MBD1: variants seen among roughly 807,000 people sequenced by gnomAD.
MBD1 encodes the protein methyl-CpG-binding domain protein 1.
MBD1 carries 25 observed loss-of-function variants against 82.6 expected under a neutral mutation model. The observed-to-expected ratio is 0.30, with a 90% confidence interval of 0.22 to 0.42. MBD1 has a LOEUF of 0.42. Ranked by LOEUF, MBD1 falls within the 10% of genes least tolerant of loss-of-function variation. The pLI is 1.00. For synonymous variants in MBD1, 301 were observed against 303.7 expected (o/e 0.99, Z 0.09); for missense variants, 627 against 819.6 (o/e 0.76, Z 2.87).
At chr18:50,271,235 ACTT>A in intron 16 of MBD1, 1 of 1,377,332 alleles carries the variant, frequency 7.3e-7, no homozygotes. Context: ...TTAAAATCCA[ACTT>A]CTTATACTCA....
chr18:50,272,762 G>A (rs1466506501), intron 14 of MBD1, 24 bp from the exon 15 acceptor site: 1 of 1,614,040 alleles, frequency 6.2e-7, no homozygotes, highest in Non-Finnish European at 8.5e-7. Context: ...AACACCATAG[G>A]TCAATGTGGT....
chr18:50,277,972 A>G (rs1319296666), intron 2 of MBD1, among the ~76,000 whole-genome samples: 6 of 152,236 alleles, frequency 3.9e-5, no homozygotes, highest in Non-Finnish European at 1.5e-5. Context: ...TAATACAGTA[A>G]TTCCCCCTCT....
intron 8 of MBD1, 147 bp from the exon 9 acceptor site, chr18:50,275,392 G>C: frequency 6.2e-7 from 1 of 1,608,768 alleles, no homozygotes; most frequent in South Asian, 1.1e-5. Context: ...CACAGCCAGG[G>C]GAGTGCGTCG....
At position 50,274,866 on chromosome 18, in the gene MBD1, C is replaced by T. The variant is rs1015894014; in HGVS notation, c.978+111G>A. ...TATCTACTCATCCCATCCTAGGACC[C>T]ATTATTGTGCCTTGCTGTTCCCCAA... On this transcript the variant is annotated intron_variant, in intron 10 of 16. Transcript: ENST00000269468. 11 of 1,091,566 alleles carry T rather than the reference C, an allele frequency of 1.0e-5. No homozygotes were observed. In the African/African-American group the frequency reaches 1.4e-4, roughly 14 times the overall value. The allele number at this position is 1,091,566 out of a possible 1,614,324, so 67.6% of individuals were successfully genotyped here. A position where few individuals can be genotyped will look rare whatever the true frequency, so the allele number is the denominator to read the frequency against.
intron 13 of MBD1, 113 bp from the exon 14 acceptor site, chr18:50,273,068 C>A: frequency 7.2e-7 from 1 of 1,397,998 alleles, no homozygotes; most frequent in Admixed American, 1.8e-5. Flanking sequence ...CACATTTCAA[C>A]ACAGAAAGTC....
intron 16 of MBD1, 71 bp downstream of exon 16, chr18:50,271,398 G>A: frequency 6.2e-7 from 1 of 1,611,764 alleles, no homozygotes; most frequent in South Asian, 1.1e-5. Flanking sequence ...CACAAGCCCT[G>A]GCAACCAATC....
rs1481649131 is a variant in MBD1, at chr18:50,269,625, AT to A, written c.*225del. ...CTTCTCTAATTCCTGGGCCAGATGC[AT>A]ATTTAACTCTGTGAGGAAGGGCACC... On this transcript the variant is annotated 3_prime_UTR_variant, in exon 17 of 17. Coordinates refer to ENST00000269468, the MANE Select transcript of MBD1 (RefSeq NM_015846.4). 1 of 725,054 alleles carries A rather than the reference AT, an allele frequency of 1.4e-6. No homozygotes were observed. Among genetic ancestry groups the A allele is most frequent in the Non-Finnish European group, 2.6e-6 (1 of 388,002 alleles). 44.9% of individuals were successfully genotyped at this position (725,054 alleles called of 1,614,324 possible).
intron 16 of MBD1, 80 bp downstream of exon 16, chr18:50,271,389 A>C: frequency 6.2e-7 from 1 of 1,610,902 alleles, no homozygotes; most frequent in Non-Finnish European, 8.5e-7. Context: ...TGATTCACAC[A>C]CAAGCCCTGG....
At chr18:50,267,626 C>A, downstream of MBD1, 1 of 1,536,098 alleles carries the variant, frequency 6.5e-7, no homozygotes. Flanking sequence ...AGGTGGTAAC[C>A]ACAGTTGCAT....
chr18:50,274,142 G>T, intron 11 of MBD1, 44 bp downstream of exon 11: 7 of 1,611,754 alleles, frequency 4.3e-6, no homozygotes, highest in Non-Finnish European at 5.9e-6. Flanking sequence ...TGGGGCGCCT[G>T]GCCCAACCTA....
chr18:50,280,162 G>A, intron 1 of MBD1, 145 bp from the exon 2 acceptor site: 4 of 686,818 alleles, frequency 5.8e-6, no homozygotes, highest in Non-Finnish European at 9.7e-6. Flanking sequence ...ATATGGAAAA[G>A]AAACCCCTCA....
At chr18:50,279,737 G>A (rs921753696) in intron 2 of MBD1, 146 bp downstream of exon 2, 6 of 1,047,426 alleles carry the variant, frequency 5.7e-6, no homozygotes, top group African/African-American at 4.8e-5. Context: ...TTATTAAGTA[G>A]GTGAAATTCA....
upstream of MBD1, chr18:50,281,678 T>G: frequency 2.3e-6 from 1 of 428,406 alleles, no homozygotes; most frequent in East Asian, 3.4e-5. Flanking sequence ...CGAGAGCCAG[T>G]TGCATCTGCG....
rs776479957 is a variant in MBD1, at chr18:50,272,711, T to A, written c.1744A>T (p.Thr582Ser). The change falls in exon 15 of 17, where the codon ACC becomes TCC. Residue 582 changes from threonine (T) to serine (S), a missense_variant. Physicochemically the swap from Thr to Ser is moderately conservative, Grantham distance 58 (BLOSUM62 1). Coordinates refer to ENST00000269468, the MANE Select transcript of MBD1 (RefSeq NM_015846.4). ...CAGACTGCTGTATCTCGGAAGCGGGTTCCACCCAGGCTGAAAATCTCCGTG... is the reference window on the plus strand; with the variant it reads ...CAGACTGCTGTATCTCGGAAGCGGGATCCACCCAGGCTGAAAATCTCCGTG... ...VITEIFSLGGTRFRDTAVWLP... is the reference protein window; with the variant it reads ...VITEIFSLGGSRFRDTAVWLP... 2 of 1,614,116 alleles carry A rather than the reference T, an allele frequency of 1.2e-6. No homozygotes were observed. Among genetic ancestry groups the A allele is most frequent in the African/African-American group, 2.7e-5 (2 of 75,022 alleles).
In MBD1 at chr18:50,272,104, G is replaced by A. The variant is rs529248993; in HGVS notation, c.1779-564C>T. ...GCTCAGGAAAGGCTCAAGAGATCCA[G>A]CCCAAGCCCTTCCACAGAGGCCGCT... On this transcript the variant is annotated intron_variant, in intron 15 of 16. Coordinates refer to ENST00000269468, the MANE Select transcript of MBD1 (RefSeq NM_015846.4). Among the ~76,000 whole-genome samples the A allele has an allele frequency of 1.3e-3, 199 of 152,270 alleles. 1 individual carries two copies. The highest frequency in any genetic ancestry group is 2.0e-3 in the Non-Finnish European group (139 of 68,030).
chr18:50,272,764 C>T, intron 14 of MBD1, 26 bp from the exon 15 acceptor site: 2 of 1,614,154 alleles, frequency 1.2e-6, no homozygotes, highest in Admixed American at 1.7e-5. Flanking sequence ...CACCATAGGT[C>T]AATGTGGTTG....
chr18:50,270,552 A>G (rs2035073815), intron 16 of MBD1: 1 of 346,364 alleles, frequency 2.9e-6, no homozygotes, highest in Non-Finnish European at 5.7e-6. Context: ...CTTTAGTTAC[A>G]AAGACTGCTC....
chr18:50,279,573 A>C (rs909114378), intron 2 of MBD1, among the ~76,000 whole-genome samples: 3 of 152,204 alleles, frequency 2.0e-5, no homozygotes, highest in Non-Finnish European at 4.4e-5. Flanking sequence ...AGACCACGAA[A>C]AGGACACCTG....
chr18:50,270,914 G>T, intron 16 of MBD1: 1 of 470,264 alleles, frequency 2.1e-6, no homozygotes, highest in Non-Finnish European at 2.8e-6. Context: ...ACTAACACCA[G>T]CTGTTCGACA....
Sources: allele counts gnomAD v4.1 joint callset (sites outside exome capture counted in the v4.1 genomes callset), GRCh38; gene constraint gnomAD v4.1.1; transcripts MANE v1.5; gene names NCBI Gene and HGNC (gene_info 2026-07-23, HGNC 2026-07-21).